XRCC6: variants seen among roughly 807,000 people sequenced by gnomAD.
XRCC6 encodes the protein X-ray repair cross complementing 6, also known as DNA repair protein Ku70.
XRCC6 carries 5 observed loss-of-function variants against 65.7 expected under a neutral mutation model. That is an observed-to-expected ratio of 0.08 (90% CI 0.04 to 0.16). XRCC6 has a LOEUF of 0.16. XRCC6 is among the 10% of genes least tolerant of loss of function. The pLI, the probability that XRCC6 is intolerant of heterozygous loss-of-function variation, is 1.00. For missense variants in XRCC6, 447 were observed against 738.1 expected, an observed-to-expected ratio of 0.61 and a Z score of 4.57; for synonymous variants, 270 against 270.6, an observed-to-expected ratio of 1.00 and a Z score of 0.02.
At position 41,662,777 on chromosome 22, in the gene XRCC6, T is replaced by C. The variant is rs28384785; in HGVS notation, c.1637-845T>C. 9.9e-3 allele frequency among the ~76,000 whole-genome samples: 1,504 copies of C among 152,230 alleles called. 25 individuals carry two copies. The highest frequency in any genetic ancestry group is 0.035 in the African/African-American group (1,448 of 41,544). ...CTTCCAGGACTTAATTTTTTTAATTTCTATTTAAAATGATACAGAAGTTGG... is the reference window on the plus strand; with the variant it reads ...CTTCCAGGACTTAATTTTTTTAATTCCTATTTAAAATGATACAGAAGTTGG... On this transcript the variant is annotated intron_variant, in intron 12 of 12. Coordinates refer to ENST00000360079, the MANE Select transcript of XRCC6 (RefSeq NM_001469.5).
In XRCC6 at chr22:41,625,810, G is replaced by C. The variant is rs1271215360; in HGVS notation, c.83-2308G>C. Among the ~76,000 whole-genome samples, 3 of 152,170 alleles carry C rather than the reference G, an allele frequency of 2.0e-5. No individual in the cohort carries two copies. In the East Asian group the frequency reaches 5.8e-4, roughly 29 times the overall value. The stretch of plus-strand genomic sequence containing the variant: ...CGCCACTGCATTCCAGCCTGTGTGA[G>C]AGAACAAGACTGTTTCTAAAATAAT... On this transcript the variant is annotated intron_variant, in intron 2 of 12. Transcript: ENST00000360079.
chr22:41,622,801 C>T (rs905435958), intron 2 of XRCC6, among the ~76,000 whole-genome samples: 2 of 151,976 alleles, frequency 1.3e-5, no homozygotes, highest in African/African-American at 4.8e-5. Flanking sequence ...AAAAATTAGC[C>T]GGGCGTGGTG....
intron 11 of XRCC6, 57 bp from the exon 12 acceptor site, chr22:41,661,274 A>G: frequency 6.8e-7 from 1 of 1,481,166 alleles, no homozygotes; most frequent in Non-Finnish European, 9.3e-7. Flanking sequence ...CTGGAAGTGG[A>G]CAGCAAGCTG....
At chr22:41,650,564 A>T (rs1418353171) in intron 7 of XRCC6, among the ~76,000 whole-genome samples, 159 bp from the exon 8 acceptor site, 2 of 152,140 alleles carry the variant, frequency 1.3e-5, no homozygotes, top group South Asian at 2.1e-4. Context: ...TCACTCAATA[A>T]ATGTTAATTC....
At chr22:41,628,056 C>G (rs1372836395) in intron 2 of XRCC6, 62 bp from the exon 3 acceptor site, 2 of 1,173,864 alleles carry the variant, frequency 1.7e-6, no homozygotes, top group African/African-American at 1.6e-5. Flanking sequence ...CTTTATTTAT[C>G]TTATATGGTA....
intron 3 of XRCC6, among the ~76,000 whole-genome samples, chr22:41,634,625 A>G (rs1200024135): frequency 4.0e-5 from 6 of 150,814 alleles, no homozygotes; most frequent in African/African-American, 7.3e-5. Context: ...GCCCACTGCA[A>G]CCTCCACCTC....
At chr22:41,641,664 C>G (rs982108015) in intron 6 of XRCC6, among the ~76,000 whole-genome samples, 4 of 152,248 alleles carry the variant, frequency 2.6e-5, no homozygotes, top group South Asian at 2.1e-4. Context: ...AGTTCAATTG[C>G]TTTACTTTTT....
chr22:41,637,597 C>T lies in XRCC6; in HGVS notation c.590-11C>T. The T allele has an allele frequency of 1.3e-6, 2 of 1,562,382 alleles. No individual in the cohort carries two copies. Among genetic ancestry groups the T allele is most frequent in the African/African-American group, 1.4e-5 (1 of 72,974 alleles). ...TTTTTCCTCCCTCACTTTTGTTTAC[C>T]CTTGCAACAGGCATCTTCCTTGACT... On this transcript the variant is annotated splice_polypyrimidine_tract_variant and intron_variant, in intron 5 of 12. Transcript: ENST00000360079.
At chr22:41,643,302 A>G (rs1285242330) in intron 6 of XRCC6, among the ~76,000 whole-genome samples, 2 of 152,098 alleles carry the variant, frequency 1.3e-5, no homozygotes, top group South Asian at 2.1e-4. Flanking sequence ...CCAGCTACTC[A>G]GGTGACTGAG....
At chr22:41,642,009 G>C (rs1601542165) in intron 6 of XRCC6, among the ~76,000 whole-genome samples, 1 of 152,054 alleles carries the variant, frequency 6.6e-6, no homozygotes, top group South Asian at 2.1e-4. Flanking sequence ...GGCTAGTCTC[G>C]AACTCTGGAC....
At chr22:41,658,466 C>A in intron 11 of XRCC6, 114 bp downstream of exon 11, 1 of 938,444 alleles carries the variant, frequency 1.1e-6, no homozygotes, top group Non-Finnish European at 1.7e-6. Context: ...AACCTCATTC[C>A]CCAGACCCCC....
chr22:41,634,216 C>CG (rs2067785995), intron 3 of XRCC6, among the ~76,000 whole-genome samples: 1 of 149,838 alleles, frequency 6.7e-6, no homozygotes, highest in Non-Finnish European at 1.5e-5. Flanking sequence ...GACAGGGTCT[C>CG]GCTCTGTCAT....
At position 41,657,049 on chromosome 22, in the gene XRCC6, C is replaced by G; in HGVS notation, c.1421+17C>G. On this transcript the variant is annotated intron_variant, in intron 10 of 12. Coordinates refer to ENST00000360079, the MANE Select transcript of XRCC6 (RefSeq NM_001469.5). Reference sequence around the variant, plus strand: ...CACATACAGGTGAGTCAATCTCAGGCTTTCTGGAACTGCCTCCTGAGTTGA... The same window carrying G: ...CACATACAGGTGAGTCAATCTCAGGGTTTCTGGAACTGCCTCCTGAGTTGA... 1 of 1,546,850 alleles carries G rather than the reference C, an allele frequency of 6.5e-7. No individual in the cohort carries two copies.
At chr22:41,637,042 C>A (rs1418665129) in intron 5 of XRCC6, among the ~76,000 whole-genome samples, 1 of 150,652 alleles carries the variant, frequency 6.6e-6, no homozygotes, top group East Asian at 1.9e-4. Flanking sequence ...ATGCCATTAG[C>A]TGTCTAAAGG....
intron 5 of XRCC6, 36 bp downstream of exon 5, chr22:41,636,806 T>C: frequency 6.3e-7 from 1 of 1,589,244 alleles, no homozygotes; most frequent in Non-Finnish European, 8.5e-7. Context: ...AATTGGCACT[T>C]AATTATTGTT....
At chr22:41,623,816 G>T (rs532375833) in intron 2 of XRCC6, among the ~76,000 whole-genome samples, 1 of 152,144 alleles carries the variant, frequency 6.6e-6, no homozygotes, top group Non-Finnish European at 1.5e-5. Flanking sequence ...CGCCACCCCA[G>T]TTCAGGCTAT....
chr22:41,637,654 C>A lies in XRCC6; in HGVS notation c.636C>A (p.Asp212Glu). ...ACCTGAAGAAACCTGGGGGCTTTGA[C>A]ATATCCTTGTTCTACAGAGATATCA... ...LMHLKKPGGF[D>E]ISLFYRDIIS... Residue 212 changes from aspartate to glutamate, a missense_variant, in exon 6 of 13, where the codon GAC (aspartate) becomes GAA (glutamate). Physicochemically the swap from Asp to Glu is conservative, Grantham distance 45 (BLOSUM62 2). Transcript: ENST00000360079. 6.2e-7 allele frequency: 1 copy of A among 1,611,270 alleles called. No individual in the cohort carries two copies. The highest frequency in any genetic ancestry group is 8.5e-7 in the Non-Finnish European group (1 of 1,179,028).
At position 41,650,822 on chromosome 22, in the gene XRCC6, G is replaced by T; in HGVS notation, c.1060G>T (p.Val354Leu). Residue 354 changes from valine (V) to leucine (L), a missense_variant, in exon 8 of 13, where the codon GTA becomes TTA. Coordinates refer to ENST00000360079, the MANE Select transcript of XRCC6 (RefSeq NM_001469.5). ...GLMLMGFKPL[V>L]LLKKHHYLRP... The stretch of plus-strand genomic sequence containing the variant: ...GATGCTCATGGGTTTCAAGCCGTTG[G>T]TACTGCTGAAGAAACACCATTACCT... 1 of 1,614,010 alleles carries T rather than the reference G, an allele frequency of 6.2e-7. No individual in the cohort carries two copies.
At chr22:41,630,996 T>TCCC (rs1340859157) in intron 3 of XRCC6, among the ~76,000 whole-genome samples, 3 of 151,514 alleles carry the variant, frequency 2.0e-5, no homozygotes, top group Admixed American at 2.0e-4. Flanking sequence ...CCAGACGGGG[T>TCCC]GGTGGCTGGG....
Sources: allele counts gnomAD v4.1 joint callset (sites outside exome capture counted in the v4.1 genomes callset), GRCh38; gene constraint gnomAD v4.1.1; transcripts MANE v1.5; gene names NCBI Gene and HGNC (gene_info 2026-07-23, HGNC 2026-07-21).